Variants in PPP4R4 observed in about 807,000 individuals in gnomAD.
PPP4R4 encodes protein phosphatase 4 regulatory subunit 4.
PPP4R4 carries 70 observed loss-of-function variants against 121.8 expected under a neutral mutation model. The ratio of observed to expected loss-of-function variants is 0.57; its 90% CI spans 0.47 to 0.70. PPP4R4 has a LOEUF of 0.70. Ranked by LOEUF, PPP4R4 falls within the 30% of genes least tolerant of loss-of-function variation. The pLI, the probability that PPP4R4 is intolerant of heterozygous loss-of-function variation, is 0.00. For missense variants in PPP4R4, 875 were observed against 1,033.6 expected, an observed-to-expected ratio of 0.85 and a Z score of 2.10; for synonymous variants, 348 against 355.7, an observed-to-expected ratio of 0.98 and a Z score of 0.24.
intron 8 of PPP4R4, 148 bp from the exon 9 acceptor site, chr14:94,240,525 C>G (rs1892571771): frequency 3.7e-6 from 3 of 805,244 alleles, no homozygotes; most frequent in Non-Finnish European, 5.5e-6. Flanking sequence ...CACCACCCAC[C>G]TCCATCGTTG....
chr14:94,275,015 A>G (rs1894556606), intron 23 of PPP4R4, among the ~76,000 whole-genome samples: 1 of 152,202 alleles, frequency 6.6e-6, no homozygotes, highest in Non-Finnish European at 1.5e-5. Flanking sequence ...TGCTGAATGA[A>G]AGAAGCCAGA....
chr14:94,268,016 G>A (rs1009102390), intron 23 of PPP4R4, among the ~76,000 whole-genome samples: 13 of 152,086 alleles, frequency 8.5e-5, no homozygotes, highest in Non-Finnish European at 1.5e-4. Context: ...GGTGATTATC[G>A]CAAGAAATAA....
chr14:94,247,480 C>T (rs1892956884), intron 14 of PPP4R4, among the ~76,000 whole-genome samples: 1 of 152,228 alleles, frequency 6.6e-6, no homozygotes, highest in Non-Finnish European at 1.5e-5. Context: ...GCAGACATAC[C>T]TTGCAAGCTC....
At chr14:94,231,132 A>G (rs767582133) in intron 4 of PPP4R4, 110 bp from the exon 5 acceptor site, 111 of 822,832 alleles carry the variant, frequency 1.3e-4, no homozygotes, top group Non-Finnish European at 1.9e-4. Context: ...AGTAATGAAA[A>G]TAATTATTTC....
At chr14:94,230,370 T>C (rs1891948585) in intron 3 of PPP4R4, among the ~76,000 whole-genome samples, 1 of 152,218 alleles carries the variant, frequency 6.6e-6, no homozygotes, top group Non-Finnish European at 1.5e-5. Context: ...TACTTTATCT[T>C]ATAAAATCCT....
chr14:94,176,454 T>C (rs921129322), intron 2 of PPP4R4, among the ~76,000 whole-genome samples: 1 of 152,222 alleles, frequency 6.6e-6, no homozygotes, highest in African/African-American at 2.4e-5. Context: ...GACTTGAGTA[T>C]ACAGTGATTA....
chr14:94,237,974 G>T (rs997244449), intron 8 of PPP4R4, among the ~76,000 whole-genome samples: 1 of 152,196 alleles, frequency 6.6e-6, no homozygotes, highest in Non-Finnish European at 1.5e-5. Flanking sequence ...AGATCAGGCA[G>T]CCCCATCTGA....
chr14:94,187,081 G>A (rs11626730), intron 2 of PPP4R4, among the ~76,000 whole-genome samples: 2 of 152,222 alleles, frequency 1.3e-5, no homozygotes, highest in East Asian at 1.9e-4. Context: ...TTGGGAGTCC[G>A]AGGTGGGCAG....
Position 94,258,838 on chromosome 14 carries a change from C to T in PPP4R4, c.2052+14C>T. 1 of 1,577,886 alleles carries T rather than the reference C, an allele frequency of 6.3e-7. No individual in the cohort carries two copies. The highest frequency in any genetic ancestry group is 8.7e-7 in the Non-Finnish European group (1 of 1,148,722). On this transcript the variant is annotated intron_variant, in intron 18 of 24. Transcript: ENST00000304338. ...TCTATGGATGCTGTAAGTATACTCT[C>T]TTTACCTTATTGTGTTGGTCCATTT...
intron 18 of PPP4R4, 131 bp downstream of exon 18, chr14:94,258,955 C>A (rs1893623912): frequency 1.2e-6 from 1 of 866,110 alleles, no homozygotes; most frequent in African/African-American, 1.7e-5. Context: ...CTGGGGAGGC[C>A]TCACAATCGT....
At chr14:94,245,258 A>T (rs1892832106) in intron 12 of PPP4R4, among the ~76,000 whole-genome samples, 1 of 152,192 alleles carries the variant, frequency 6.6e-6, no homozygotes, top group Non-Finnish European at 1.5e-5. Flanking sequence ...TATCACTGAG[A>T]ATATTATCCA....
chr14:94,214,296 T>C (rs1017692068), intron 3 of PPP4R4, among the ~76,000 whole-genome samples: 1 of 152,144 alleles, frequency 6.6e-6, no homozygotes, highest in Non-Finnish European at 1.5e-5. Context: ...CGAGAGAGAC[T>C]TTTTGGGGGT....
chr14:94,237,640 T>A lies in PPP4R4; in HGVS notation c.807T>A (p.Leu269=). 1.9e-6 allele frequency: 3 copies of A among 1,611,956 alleles called. No individual in the cohort carries two copies. The highest frequency in any genetic ancestry group is 2.5e-6 in the Non-Finnish European group (3 of 1,177,980). ...GGGATGAAGGCAGCAGTGTACGACT[T>A]GCAGCTTTTGAAACTTTGGTTAATC... ...LSRDEGSSVR[L]AAFETLVNLL... Residue 269 remains leucine, a synonymous_variant, in exon 8 of 25, where the codon CTT becomes CTA. Transcript: ENST00000304338.
chr14:94,176,588 C>A (rs1200531590), intron 2 of PPP4R4, among the ~76,000 whole-genome samples: 1 of 152,118 alleles, frequency 6.6e-6, no homozygotes, highest in South Asian at 2.1e-4. Context: ...GCCGTGCAAG[C>A]TTTATGATTT....
At chr14:94,187,869 G>A (rs58790620) in intron 2 of PPP4R4, among the ~76,000 whole-genome samples, 14,139 of 152,094 alleles carry the variant, frequency 0.093, 807 homozygotes, top group South Asian at 0.15. Flanking sequence ...GAGTACCATG[G>A]TGGTGAAATG....
intron 15 of PPP4R4, among the ~76,000 whole-genome samples, chr14:94,251,312 C>T (rs1373160738): frequency 1.3e-5 from 2 of 151,932 alleles, no homozygotes; most frequent in Non-Finnish European, 2.9e-5. Flanking sequence ...TTATACAGAG[C>T]TGTGTTTGAA....
At chr14:94,241,388 C>T (rs1892626502) in intron 9 of PPP4R4, among the ~76,000 whole-genome samples, 1 of 152,010 alleles carries the variant, frequency 6.6e-6, no homozygotes, top group African/African-American at 2.4e-5. Flanking sequence ...AGCTCCTTCC[C>T]TGCAGAGACA....
At chr14:94,200,851 T>A (rs1420247313) in intron 2 of PPP4R4, among the ~76,000 whole-genome samples, 1 of 151,962 alleles carries the variant, frequency 6.6e-6, no homozygotes, top group African/African-American at 2.4e-5. Context: ...TGATCTTTGT[T>A]ACTTCTTTTC....
intron 3 of PPP4R4, among the ~76,000 whole-genome samples, chr14:94,221,915 C>T (rs1194801949): frequency 6.6e-6 from 1 of 152,034 alleles, no homozygotes. Context: ...TGCAGCTTTA[C>T]TTGTTATAGC....
Sources: gnomAD v4.1 joint callset for allele counts (sites outside exome capture counted in the v4.1 genomes callset) on GRCh38, gnomAD v4.1.1 for gene constraint, MANE v1.5 for transcripts, NCBI Gene and HGNC (gene_info 2026-07-23, HGNC 2026-07-21) for gene names.